RBFOX1: variants seen among roughly 807,000 people sequenced by gnomAD.
RBFOX1 encodes RNA binding protein fox-1 homolog 1.
RBFOX1 carries 8 observed loss-of-function variants against 57.7 expected under a neutral mutation model. The ratio of observed to expected loss-of-function variants is 0.14; its 90% CI spans 0.08 to 0.25. The LOEUF (loss-of-function observed/expected upper bound fraction) is 0.25, where lower values mean the gene tolerates loss of function less well. Among genes scored for constraint, RBFOX1 ranks in the 10% least tolerant of loss-of-function variants. RBFOX1 has a pLI of 1.00. For missense variants in RBFOX1, 611 were observed against 548.5 expected (o/e 1.11, Z -1.14); for synonymous variants, 326 against 222.4 (o/e 1.47, Z -4.15).
intron 2 of RBFOX1, among the ~76,000 whole-genome samples, chr16:5,476,455 A>G (rs1359879920): frequency 2.0e-5 from 3 of 152,318 alleles, no homozygotes; most frequent in Admixed American, 1.3e-4. Context: ...CTTAATTGAC[A>G]TAGTTTTAAT....
intron 4 of RBFOX1, among the ~76,000 whole-genome samples, chr16:5,989,388 C>A (rs896700210): frequency 2.0e-5 from 3 of 151,948 alleles, no homozygotes; most frequent in African/African-American, 7.3e-5. Flanking sequence ...CAGGGGGTTT[C>A]CCTATAAAAT....
At chr16:5,935,020 C>A (rs1382123374) in intron 4 of RBFOX1, among the ~76,000 whole-genome samples, 1 of 152,190 alleles carries the variant, frequency 6.6e-6, no homozygotes, top group Non-Finnish European at 1.5e-5. Context: ...AAGGGTCAAT[C>A]TTTGGGCCAC....
At chr16:6,722,456 C>G (rs933417435) in intron 3 of RBFOX1, among the ~76,000 whole-genome samples, 2 of 152,190 alleles carry the variant, frequency 1.3e-5, no homozygotes, top group Non-Finnish European at 2.9e-5. Context: ...CTTCCATCCA[C>G]TCCTTTCTGA....
intron 2 of RBFOX1, among the ~76,000 whole-genome samples, chr16:6,623,544 T>G (rs532517270): frequency 6.6e-6 from 1 of 152,140 alleles, no homozygotes; most frequent in African/African-American, 2.4e-5. Context: ...GCTGCACTCA[T>G]TAACTCGTCA....
chr16:6,880,219 A>T (rs905380627), intron 3 of RBFOX1, among the ~76,000 whole-genome samples: 4 of 130,348 alleles, frequency 3.1e-5, no homozygotes, highest in African/African-American at 1.2e-4. Flanking sequence ...AAAATTTTCC[A>T]CCGGGGGGTA....
At chr16:5,455,011 CTT>C (rs1237045742) in intron 1 of RBFOX1, among the ~76,000 whole-genome samples, 7 of 111,462 alleles carry the variant, frequency 6.3e-5, no homozygotes, top group African/African-American at 1.9e-4. Context: ...TTCTTTCTTT[CTT>C]TCTTTCTTTC....
intron 1 of RBFOX1, among the ~76,000 whole-genome samples, chr16:6,237,866 G>T (rs918628972): frequency 2.0e-5 from 3 of 152,014 alleles, no homozygotes; most frequent in African/African-American, 7.2e-5. Context: ...GGCCAAGGTG[G>T]GCGGGTCAGG....
intron 1 of RBFOX1, among the ~76,000 whole-genome samples, chr16:5,450,523 G>C (rs959026652): frequency 2.6e-5 from 4 of 152,180 alleles, no homozygotes; most frequent in Admixed American, 6.5e-5. Context: ...GGCATCAAAA[G>C]GCGTTGGCGC....
At chr16:6,900,587 AG>A (rs1567789562) in intron 3 of RBFOX1, among the ~76,000 whole-genome samples, 3 of 152,004 alleles carry the variant, frequency 2.0e-5, no homozygotes, top group African/African-American at 7.2e-5. Context: ...AGTCTTTTCC[AG>A]TTTTAGCAAT....
At chr16:5,620,083 G>A (rs146948647) in intron 3 of RBFOX1, among the ~76,000 whole-genome samples, 6 of 151,812 alleles carry the variant, frequency 4.0e-5, no homozygotes, top group Admixed American at 2.0e-4. Flanking sequence ...CATTGGCCTC[G>A]CTTACTTTCC....
At chr16:7,349,864 G>C (rs1056670676) in intron 4 of RBFOX1, among the ~76,000 whole-genome samples, 2 of 152,152 alleles carry the variant, frequency 1.3e-5, no homozygotes, top group African/African-American at 4.8e-5. Context: ...AATAGGTTAT[G>C]GGCCAGGCAC....
intron 5 of RBFOX1, among the ~76,000 whole-genome samples, chr16:7,538,923 G>A (rs1362940707): frequency 6.8e-6 from 1 of 147,330 alleles, no homozygotes; most frequent in Non-Finnish European, 1.5e-5. Context: ...GAGTTCTATG[G>A]TCAATGAGAC....
At chr16:7,135,523 G>A (rs542682526) in intron 4 of RBFOX1, among the ~76,000 whole-genome samples, 122 of 152,358 alleles carry the variant, frequency 8.0e-4, no homozygotes, top group African/African-American at 2.8e-3. Flanking sequence ...AAAAGAGACA[G>A]AGCAATAAGA....
At chr16:5,908,753 C>T (rs1051387390) in intron 4 of RBFOX1, among the ~76,000 whole-genome samples, 2 of 152,042 alleles carry the variant, frequency 1.3e-5, no homozygotes, top group Non-Finnish European at 2.9e-5. Context: ...TGTTTGTGTC[C>T]CACCATCCTA....
intron 3 of RBFOX1, among the ~76,000 whole-genome samples, chr16:5,772,972 A>C (rs2054029598): frequency 6.6e-6 from 1 of 152,184 alleles, no homozygotes; most frequent in African/African-American, 2.4e-5. Context: ...GGGCTGTAGC[A>C]TACCTGGTGT....
At chr16:6,628,507 T>C (rs1250194913) in intron 2 of RBFOX1, among the ~76,000 whole-genome samples, 1 of 152,176 alleles carries the variant, frequency 6.6e-6, no homozygotes, top group Non-Finnish European at 1.5e-5. Flanking sequence ...ATTTTTATCA[T>C]ATTTGTTTTA....
chr16:7,343,676 TAGGG>T (rs1197342548), intron 4 of RBFOX1, among the ~76,000 whole-genome samples: 2 of 152,098 alleles, frequency 1.3e-5, no homozygotes, highest in East Asian at 3.9e-4. Context: ...TAATATATCT[TAGGG>T]AGGAAAAAAC....
chr16:6,956,335 T>C (rs2081835805), intron 3 of RBFOX1, among the ~76,000 whole-genome samples: 1 of 152,170 alleles, frequency 6.6e-6, no homozygotes, highest in Non-Finnish European at 1.5e-5. Flanking sequence ...ACATTAATTA[T>C]TCCCCAAAGT....
chr16:5,629,062 A>G (rs1483226541), intron 3 of RBFOX1, among the ~76,000 whole-genome samples: 1 of 152,066 alleles, frequency 6.6e-6, no homozygotes, highest in Non-Finnish European at 1.5e-5. Flanking sequence ...AATGCACCAG[A>G]GCAGCAGTAA....
Sources: allele counts gnomAD v4.1 joint callset (sites outside exome capture counted in the v4.1 genomes callset), GRCh38; gene constraint gnomAD v4.1.1; transcripts MANE v1.5; gene names NCBI Gene and HGNC (gene_info 2026-07-23, HGNC 2026-07-21).